The following AFG1L variants were observed in gnomAD, a reference collection of about 807,000 sequenced individuals.
The protein encoded by AFG1L is AFG1-like ATPase.
A neutral mutation model predicts 62.2 loss-of-function variants in AFG1L; 53 were observed. The ratio of observed to expected loss-of-function variants is 0.85; its 90% CI spans 0.68 to 1.07. AFG1L has a LOEUF of 1.07. AFG1L is among the 50% of genes least tolerant of loss of function. The pLI is 0.00. For synonymous variants in AFG1L, 228 were observed against 210.3 expected, an observed-to-expected ratio of 1.08 and a Z score of -0.73; for missense variants, 555 against 590.5, an observed-to-expected ratio of 0.94 and a Z score of 0.62.
rs114537774 is a variant in AFG1L, at chr6:108,420,548, C to T, written c.807+18494C>T. Among the ~76,000 whole-genome samples, 928 of 151,082 alleles carry T rather than the reference C, an allele frequency of 6.1e-3. 10 individuals are homozygous for T. Among genetic ancestry groups the T allele is most frequent in the African/African-American group, 0.021 (863 of 41,294 alleles). On this transcript the variant is annotated intron_variant, in intron 7 of 12. Transcript: ENST00000368977. Reference sequence around the variant, plus strand: ...TTGTAATGGTGTTTTTGTGCTGTGTCGTTGCAATTAATAAATATCTAAGAT... The same window carrying T: ...TTGTAATGGTGTTTTTGTGCTGTGTTGTTGCAATTAATAAATATCTAAGAT...
intron 6 of AFG1L, among the ~76,000 whole-genome samples, chr6:108,366,617 A>G (rs183020153): frequency 3.9e-3 from 589 of 151,874 alleles, no homozygotes; most frequent in Middle Eastern, 6.8e-3. Flanking sequence ...CTTAGCAAAA[A>G]ATGCAGGCCT....
At chr6:108,469,122 A>G (rs1772788993) in intron 8 of AFG1L, among the ~76,000 whole-genome samples, 1 of 152,210 alleles carries the variant, frequency 6.6e-6, no homozygotes, top group Non-Finnish European at 1.5e-5. Context: ...GTGCATAAGC[A>G]GAGTTTTATT....
At chr6:108,425,124 C>G (rs1263988840) in intron 7 of AFG1L, among the ~76,000 whole-genome samples, 1 of 152,064 alleles carries the variant, frequency 6.6e-6, no homozygotes. Flanking sequence ...TGTAGAAACT[C>G]TTTTTGAGGG....
At chr6:108,459,857 A>G (rs1028670762) in intron 8 of AFG1L, among the ~76,000 whole-genome samples, 1 of 152,216 alleles carries the variant, frequency 6.6e-6, no homozygotes, top group African/African-American at 2.4e-5. Context: ...TATGTTCAAT[A>G]ACATCACAGG....
chr6:108,508,062 A>G (rs981726361), intron 10 of AFG1L, among the ~76,000 whole-genome samples: 7 of 152,206 alleles, frequency 4.6e-5, no homozygotes, highest in Non-Finnish European at 1.0e-4. Context: ...AACACTTTGC[A>G]TATATTACTT....
At chr6:108,342,121 C>A (rs950391830) in intron 2 of AFG1L, among the ~76,000 whole-genome samples, 2 of 152,096 alleles carry the variant, frequency 1.3e-5, no homozygotes, top group Admixed American at 1.3e-4. Context: ...TGGAGGGATG[C>A]AGCTCTACTG....
At chr6:108,453,218 G>A (rs1339832298) in intron 8 of AFG1L, among the ~76,000 whole-genome samples, 1 of 152,086 alleles carries the variant, frequency 6.6e-6, no homozygotes, top group East Asian at 1.9e-4. Context: ...TGGGGATTTT[G>A]GATCATCCTG....
chr6:108,449,391 C>A (rs972209387), intron 8 of AFG1L, among the ~76,000 whole-genome samples: 1 of 151,952 alleles, frequency 6.6e-6, no homozygotes, highest in African/African-American at 2.4e-5. Flanking sequence ...GAGGAGAAGG[C>A]AGATATGTAA....
Position 108,522,518 on chromosome 6 carries a change from T to A in AFG1L, c.*93T>A. ...CTTGAAGGAATCATTTTCTCATCATTAATTATGCACTTTGTCCTCTGGACC... is the reference window on the plus strand; with the variant it reads ...CTTGAAGGAATCATTTTCTCATCATAAATTATGCACTTTGTCCTCTGGACC... On this transcript the variant is annotated 3_prime_UTR_variant, in exon 13 of 13. Transcript: ENST00000368977. The A allele has an allele frequency of 7.2e-7, 1 of 1,391,852 alleles. No homozygotes were observed. The allele number at this position is 1,391,852 out of a possible 1,614,324, so 86.2% of individuals were successfully genotyped here. A position where few individuals can be genotyped will look rare whatever the true frequency, so the allele number is the denominator to read the frequency against.
intron 7 of AFG1L, among the ~76,000 whole-genome samples, chr6:108,410,510 C>G (rs1391548403): frequency 6.6e-6 from 1 of 151,920 alleles, no homozygotes; most frequent in Admixed American, 6.6e-5. Context: ...GACATCTGGT[C>G]AGCTAGGCTG....
intron 8 of AFG1L, among the ~76,000 whole-genome samples, chr6:108,460,045 T>G (rs563267587): frequency 6.6e-6 from 1 of 151,010 alleles, no homozygotes; most frequent in Non-Finnish European, 1.5e-5. Context: ...TCACACAAAC[T>G]ATAAGAATGA....
At chr6:108,366,405 G>A in intron 6 of AFG1L, 73 bp downstream of exon 6, 1 of 856,732 alleles carries the variant, frequency 1.2e-6, no homozygotes, top group Non-Finnish European at 1.9e-6. Context: ...CCATAATTTT[G>A]AACTAAATGT....
intron 7 of AFG1L, among the ~76,000 whole-genome samples, chr6:108,427,791 G>A (rs2114705352): frequency 6.6e-6 from 1 of 152,086 alleles, no homozygotes; most frequent in East Asian, 1.9e-4. Flanking sequence ...CAAAGTGCTG[G>A]GATTACAGGC....
chr6:108,411,753 G>A (rs1346630072), intron 7 of AFG1L, among the ~76,000 whole-genome samples: 3 of 152,184 alleles, frequency 2.0e-5, no homozygotes, highest in Non-Finnish European at 2.9e-5. Flanking sequence ...AACCCCATCT[G>A]TATGTTGCCA....
intron 10 of AFG1L, among the ~76,000 whole-genome samples, chr6:108,488,352 T>C (rs1773646780): frequency 6.6e-6 from 1 of 152,114 alleles, no homozygotes; most frequent in Non-Finnish European, 1.5e-5. Flanking sequence ...AGATTATAAT[T>C]AGTACTACAG....
At chr6:108,411,970 C>T (rs2114661026) in intron 7 of AFG1L, among the ~76,000 whole-genome samples, 1 of 152,254 alleles carries the variant, frequency 6.6e-6, no homozygotes, top group African/African-American at 2.4e-5. Context: ...CTTCTCCAAG[C>T]TAAAGGAGGA....
At chr6:108,497,426 T>C (rs1774016291) in intron 10 of AFG1L, among the ~76,000 whole-genome samples, 1 of 152,150 alleles carries the variant, frequency 6.6e-6, no homozygotes, top group Admixed American at 6.6e-5. Flanking sequence ...ATATTCATTT[T>C]TTTTCTGTTG....
chr6:108,448,915 T>C (rs1206171006), intron 8 of AFG1L, among the ~76,000 whole-genome samples: 1 of 151,964 alleles, frequency 6.6e-6, no homozygotes, highest in Non-Finnish European at 1.5e-5. Flanking sequence ...TTTGGGAGGC[T>C]GAGGTTGGAG....
chr6:108,373,634 C>T (rs1582463499), intron 6 of AFG1L, among the ~76,000 whole-genome samples: 1 of 147,222 alleles, frequency 6.8e-6, no homozygotes, highest in South Asian at 2.1e-4. Context: ...GTTACTCAGG[C>T]TGGAATGCAG....
Sources: gnomAD v4.1 joint callset for allele counts (sites outside exome capture counted in the v4.1 genomes callset) on GRCh38, gnomAD v4.1.1 for gene constraint, MANE v1.5 for transcripts, NCBI Gene and HGNC (gene_info 2026-07-23, HGNC 2026-07-21) for gene names.